The following DEAF1 variants were observed in gnomAD, a reference collection of about 807,000 sequenced individuals.
DEAF1 encodes the protein DEAF1 transcription factor, also known as deformed epidermal autoregulatory factor 1 homolog.
A neutral mutation model predicts 58.9 loss-of-function variants in DEAF1; 53 were observed. The ratio of observed to expected loss-of-function variants is 0.90; its 90% confidence interval spans 0.72 to 1.13. The LOEUF (loss-of-function observed/expected upper bound fraction) is 1.13. Ranked by LOEUF, DEAF1 falls within the 50% of genes most tolerant of loss-of-function variation. DEAF1 has a pLI of 0.00. For missense variants in DEAF1, 685 were observed against 791.4 expected (o/e 0.87, Z 1.61); for synonymous variants, 385 against 340.4 (o/e 1.13, Z -1.44).
upstream of DEAF1, chr11:697,989 C>T (rs1861276494): frequency 6.6e-6 from 1 of 152,290 alleles, no homozygotes; most frequent in African/African-American, 2.4e-5. Flanking sequence ...TCTGTCCTGC[C>T]CTCCCTGGCG....
intron 7 of DEAF1, 86 bp from the exon 8 acceptor site, chr11:679,902 T>C: frequency 1.9e-6 from 3 of 1,579,272 alleles, no homozygotes; most frequent in South Asian, 2.2e-5. Flanking sequence ...CGCCAATCCT[T>C]GTGGGGGCCT....
chr11:701,887 G>A (rs886417796), intron 1 of DEAF1, among the ~76,000 whole-genome samples: 1 of 152,128 alleles, frequency 6.6e-6, no homozygotes, highest in African/African-American at 2.4e-5. Flanking sequence ...ATGGAAATTC[G>A]CCCTCCCCAG....
intron 11 of DEAF1, among the ~76,000 whole-genome samples, chr11:646,912 C>T (rs1441636922): frequency 1.3e-5 from 2 of 152,086 alleles, no homozygotes; most frequent in African/African-American, 4.8e-5. Flanking sequence ...AAAACAATGA[C>T]TTCGGGAGGT....
chr11:703,882 C>T (rs954099373), intron 1 of DEAF1: 9 of 1,239,138 alleles, frequency 7.3e-6, no homozygotes, highest in African/African-American at 3.1e-5. Flanking sequence ...TCGGAGCCTC[C>T]GTCCACTCCA....
At chr11:662,513 C>T (rs1241224992) in intron 10 of DEAF1, among the ~76,000 whole-genome samples, 1 of 152,182 alleles carries the variant, frequency 6.6e-6, no homozygotes. Flanking sequence ...TTCCTCCCCT[C>T]GCCGACCTCC....
chr11:667,875 G>A (rs1859627305), intron 10 of DEAF1, among the ~76,000 whole-genome samples: 1 of 152,014 alleles, frequency 6.6e-6, no homozygotes, highest in African/African-American at 2.4e-5. Flanking sequence ...ACTTTGGGAG[G>A]CCCAGGCGGG....
chr11:654,444 C>T (rs1156253841), intron 10 of DEAF1, among the ~76,000 whole-genome samples: 2 of 151,266 alleles, frequency 1.3e-5, no homozygotes, highest in Non-Finnish European at 2.9e-5. Flanking sequence ...GGATTACAGG[C>T]GTGAGCCACT....
At chr11:687,747 C>T (rs921517254) in intron 4 of DEAF1, among the ~76,000 whole-genome samples, 164 bp downstream of exon 4, 4 of 152,120 alleles carry the variant, frequency 2.6e-5, no homozygotes, top group Non-Finnish European at 5.9e-5. Flanking sequence ...CCACCCGCCT[C>T]GGCTTCCCAA....
At chr11:697,775 G>A (rs572456421), upstream of DEAF1, 2 of 152,404 alleles carry the variant, frequency 1.3e-5, no homozygotes, top group East Asian at 1.9e-4. Context: ...GCGATGCGGC[G>A]TGGTCTGCCG....
At chr11:654,724 C>T (rs1481165522) in intron 10 of DEAF1, 2 of 429,652 alleles carry the variant, frequency 4.7e-6, no homozygotes, top group Non-Finnish European at 9.5e-6. Context: ...CAAAAATTAG[C>T]TGGGTGTGGT....
At chr11:678,069 G>C (rs1860157536) in intron 9 of DEAF1, among the ~76,000 whole-genome samples, 1 of 151,802 alleles carries the variant, frequency 6.6e-6, no homozygotes. Flanking sequence ...TGGATCACTT[G>C]AGGTCAGGAG....
chr11:698,098 A>G (rs1861281225), upstream of DEAF1: 1 of 152,216 alleles, frequency 6.6e-6, no homozygotes. Flanking sequence ...TTTCCACCCA[A>G]TTCTAGATGT....
chr11:695,520 G>T (rs1285853417), upstream of DEAF1: 1 of 1,030,548 alleles, frequency 9.7e-7, no homozygotes, highest in African/African-American at 1.7e-5. Context: ...AGAGAGCTTA[G>T]TGCCGCGGGT....
At position 686,957 on chromosome 11, in the gene DEAF1, G is replaced by A. The variant is rs1860620327; in HGVS notation, c.705C>T (p.Tyr235=). 1.9e-6 allele frequency: 3 copies of A among 1,614,206 alleles called. No individual in the cohort carries two copies. The highest frequency in any genetic ancestry group is 1.7e-4 in the Middle Eastern group (1 of 6,056). Residue 235 remains tyrosine (Y), a synonymous_variant, in exon 5 of 12, where the codon TAC becomes TAT. Coordinates refer to ENST00000382409, the MANE Select transcript of DEAF1 (RefSeq NM_021008.4). The part of the protein sequence containing the change: ...GRCIKQGENW[Y]SPTEFEAMAG... Reference sequence around the variant, plus strand: ...CCATGGCCTCAAACTCGGTGGGACTGTACCAGTTCTCCCCCTGCTTGATGC... The same window carrying A: ...CCATGGCCTCAAACTCGGTGGGACTATACCAGTTCTCCCCCTGCTTGATGC...
At chr11:654,198 T>C (rs562664394) in intron 10 of DEAF1, 147 bp from the exon 11 acceptor site, 1 of 637,786 alleles carries the variant, frequency 1.6e-6, no homozygotes, top group Admixed American at 2.7e-5. Flanking sequence ...AGATGGAGTC[T>C]CACTCTGTCG....
upstream of DEAF1, among the ~76,000 whole-genome samples, chr11:696,217 G>A (rs925313581): frequency 6.6e-6 from 1 of 152,150 alleles, no homozygotes; most frequent in African/African-American, 2.4e-5. Context: ...CGCGGGCGCC[G>A]GTGCCTCAGC....
intron 10 of DEAF1, among the ~76,000 whole-genome samples, chr11:669,059 T>C (rs1221726287): frequency 2.0e-5 from 3 of 151,608 alleles, no homozygotes; most frequent in African/African-American, 7.3e-5. Flanking sequence ...CCTCCTGACC[T>C]TGTGATCTGC....
chr11:649,108 T>A (rs902117478), intron 11 of DEAF1, among the ~76,000 whole-genome samples: 1 of 151,898 alleles, frequency 6.6e-6, no homozygotes, highest in Admixed American at 6.6e-5. Context: ...AAAATTAGCC[T>A]GGCATGGTGG....
intron 1 of DEAF1, among the ~76,000 whole-genome samples, chr11:705,962 C>A (rs1167093537): frequency 6.6e-6 from 1 of 152,222 alleles, no homozygotes; most frequent in Non-Finnish European, 1.5e-5. Flanking sequence ...AGGGGCTAGG[C>A]CCGCGGAGGG....
Sources: allele counts gnomAD v4.1 joint callset (sites outside exome capture counted in the v4.1 genomes callset), GRCh38; gene constraint gnomAD v4.1.1; transcripts MANE v1.5; gene names NCBI Gene and HGNC (gene_info 2026-07-23, HGNC 2026-07-21).